The following RAB39A variants were observed in gnomAD, a reference collection of about 807,000 sequenced individuals.
RAB39A encodes the protein ras-related protein Rab-39A.
In RAB39A, 17 loss-of-function variants were observed where a neutral mutation model predicts 20.9. The observed-to-expected ratio is 0.81, with a 90% CI of 0.56 to 1.22. The LOEUF (loss-of-function observed/expected upper bound fraction) is 1.22. RAB39A is among the 50% of genes most tolerant of loss of function. The pLI, the probability that RAB39A is intolerant of heterozygous loss-of-function variation, is 0.00. For missense variants in RAB39A, 234 were observed against 270.5 expected (o/e 0.87, Z 0.95); for synonymous variants, 99 against 103.4 (o/e 0.96, Z 0.26).
intron 1 of RAB39A, among the ~76,000 whole-genome samples, chr11:107,941,213 C>G (rs1012707203): frequency 5.9e-5 from 9 of 152,214 alleles, no homozygotes; most frequent in African/African-American, 1.9e-4. Flanking sequence ...CAGGACTTCT[C>G]AGACGACTTT....
At chr11:107,929,389 A>G (rs1861114878) in intron 1 of RAB39A, among the ~76,000 whole-genome samples, 1 of 152,124 alleles carries the variant, frequency 6.6e-6, no homozygotes, top group African/African-American at 2.4e-5. Flanking sequence ...ACCTCACAGC[A>G]CTGAATGTGG....
intron 1 of RAB39A, among the ~76,000 whole-genome samples, chr11:107,932,531 CAA>C (rs1364861369): frequency 1.3e-5 from 2 of 152,166 alleles, no homozygotes; most frequent in African/African-American, 2.4e-5. Flanking sequence ...CTATACCAAG[CAA>C]AGTTTCTTTT....
At chr11:107,934,731 A>T (rs923210201) in intron 1 of RAB39A, among the ~76,000 whole-genome samples, 37 of 110 alleles carry the variant, frequency 0.34, no homozygotes, top group African/African-American at 0.45. Flanking sequence ...GTTCGAGACC[A>T]GCCTGGCCAA....
rs1385411390 is a variant in RAB39A, at chr11:107,955,033, G to A, written c.228-6913G>A. 5.7e-5 allele frequency among the ~76,000 whole-genome samples: 6 copies of A among 105,950 alleles called. No individual in the cohort carries two copies. In the Admixed American group the frequency reaches 9.2e-4, roughly 16 times the overall value. 69.5% of individuals were successfully genotyped at this position (105,950 alleles called of 152,430 possible). On this transcript the variant is annotated intron_variant, in intron 1 of 1. Transcript: ENST00000320578. Reference sequence around the variant, plus strand: ...TTTTTTTGAGACAGAGTCTCGTTCTGTCGCCCAGGCTGGAGTGCAGTGGCC... The same window carrying A: ...TTTTTTTGAGACAGAGTCTCGTTCTATCGCCCAGGCTGGAGTGCAGTGGCC...
chr11:107,951,347 G>A (rs2134968491), intron 1 of RAB39A, among the ~76,000 whole-genome samples: 1 of 152,266 alleles, frequency 6.6e-6, no homozygotes, highest in Non-Finnish European at 1.5e-5. Context: ...ATGTCATGCT[G>A]AAAAACAGGC....
At chr11:107,946,794 A>C (rs2134963986) in intron 1 of RAB39A, among the ~76,000 whole-genome samples, 1 of 151,590 alleles carries the variant, frequency 6.6e-6, no homozygotes, top group East Asian at 2.0e-4. Flanking sequence ...TTTTTAAAAA[A>C]AAGATTATTC....
At chr11:107,946,450 ATATATATATATTTTTTTTTTT>A (rs1861316188) in intron 1 of RAB39A, among the ~76,000 whole-genome samples, 1 of 72,436 alleles carries the variant, frequency 1.4e-5, no homozygotes, top group African/African-American at 5.4e-5. Flanking sequence ...ATATATATAT[ATATATATATATTTTTTTTTTT>A]TTTTTTTTTT....
chr11:107,932,086 C>T (rs1250395166), intron 1 of RAB39A, among the ~76,000 whole-genome samples: 1 of 151,942 alleles, frequency 6.6e-6, no homozygotes, highest in East Asian at 1.9e-4. Flanking sequence ...TGGTCTGAAA[C>T]TCCTGGGCTG....
intron 1 of RAB39A, among the ~76,000 whole-genome samples, chr11:107,953,992 C>T (rs763054129): frequency 2.0e-5 from 3 of 152,194 alleles, no homozygotes; most frequent in South Asian, 4.1e-4. Context: ...AAGTGAATTA[C>T]TTGATCTGTG....
intron 1 of RAB39A, among the ~76,000 whole-genome samples, chr11:107,931,257 G>A (rs912246990): frequency 4.0e-5 from 6 of 151,886 alleles, no homozygotes; most frequent in African/African-American, 9.7e-5. Context: ...GATTACAGGC[G>A]CGTGAGCCAC....
chr11:107,930,977 C>CTT (rs752665818), intron 1 of RAB39A, among the ~76,000 whole-genome samples: 15 of 141,934 alleles, frequency 1.1e-4, no homozygotes, highest in East Asian at 2.0e-4. Context: ...TGTTTTTTAA[C>CTT]TTTTTTTTTT....
intron 1 of RAB39A, among the ~76,000 whole-genome samples, chr11:107,930,446 C>A (rs1246621711): frequency 1.3e-5 from 2 of 152,142 alleles, no homozygotes; most frequent in African/African-American, 4.8e-5. Flanking sequence ...CTTGACCCCC[C>A]CTCTGAAGTG....
chr11:107,929,823 A>G (rs904946212), intron 1 of RAB39A, among the ~76,000 whole-genome samples: 1 of 152,224 alleles, frequency 6.6e-6, no homozygotes, highest in Non-Finnish European at 1.5e-5. Context: ...ACTTCGTTTT[A>G]GAGGAAGATG....
intron 1 of RAB39A, among the ~76,000 whole-genome samples, chr11:107,941,291 C>T (rs914416475): frequency 2.0e-5 from 3 of 152,122 alleles, no homozygotes; most frequent in Non-Finnish European, 4.4e-5. Context: ...AGTCCTATTA[C>T]ACAGTGTTTT....
intron 1 of RAB39A, among the ~76,000 whole-genome samples, chr11:107,931,367 T>C (rs546729326): frequency 1.3e-5 from 2 of 152,358 alleles, no homozygotes; most frequent in East Asian, 3.9e-4. Flanking sequence ...AACTCTCGCA[T>C]TATAATGCAA....
At chr11:107,934,624 G>A (rs938376345) in intron 1 of RAB39A, among the ~76,000 whole-genome samples, 1 of 152,068 alleles carries the variant, frequency 6.6e-6, no homozygotes, top group African/African-American at 2.4e-5. Flanking sequence ...TAAGCAGTAA[G>A]TGCTATAAGA....
chr11:107,928,669 C>G lies in RAB39A; in HGVS notation c.101C>G (p.Pro34Arg). ...LLHRFTQGRF[P>R]GLRSPACDPT... Reference sequence around the variant, plus strand: ...CACCGCTTCACCCAGGGCCGCTTCCCCGGGCTGCGCTCCCCCGCCTGCGAC... The same window carrying G: ...CACCGCTTCACCCAGGGCCGCTTCCGCGGGCTGCGCTCCCCCGCCTGCGAC... The change falls in exon 1 of 2, where the codon CCC becomes CGC. Residue 34 changes from proline to arginine, a missense_variant. By Grantham distance (103) the Pro-to-Arg change is moderately radical. Coordinates refer to ENST00000320578, the MANE Select transcript of RAB39A (RefSeq NM_017516.3). This position sits in a 1 kb window ranked among gnomAD's most constrained non-coding sequence, Gnocchi z 4.9. The G allele has an allele frequency of 3.1e-6, 5 of 1,612,536 alleles. No homozygotes were observed. Among genetic ancestry groups the G allele is most frequent in the Non-Finnish European group, 4.2e-6 (5 of 1,179,136 alleles).
intron 1 of RAB39A, among the ~76,000 whole-genome samples, chr11:107,950,148 C>T (rs1246152364): frequency 1.3e-5 from 2 of 151,506 alleles, no homozygotes; most frequent in Non-Finnish European, 2.9e-5. Flanking sequence ...CCACTGCACT[C>T]CACCCTGGGT....
chr11:107,940,327 C>T (rs907422218), intron 1 of RAB39A, among the ~76,000 whole-genome samples: 3 of 151,848 alleles, frequency 2.0e-5, no homozygotes, highest in South Asian at 2.1e-4. Context: ...TACAGTGGCA[C>T]GATCTCGGCT....
Sources: allele counts gnomAD v4.1 joint callset (sites outside exome capture counted in the v4.1 genomes callset), GRCh38; gene constraint gnomAD v4.1.1; non-coding constraint Gnocchi (gnomAD v3.1); transcripts MANE v1.5; gene names NCBI Gene and HGNC (gene_info 2026-07-23, HGNC 2026-07-21).